Variants in AOPEP observed in about 807,000 individuals in gnomAD.
The protein encoded by AOPEP is aminopeptidase O (putative).
A neutral mutation model predicts 98.1 loss-of-function variants in AOPEP; 77 were observed. That is an observed-to-expected ratio of 0.78 (90% CI 0.65 to 0.95). The LOEUF is 0.95. AOPEP is among the 40% of genes least tolerant of loss of function. The probability of loss-of-function intolerance (pLI) is 0.00; values close to 1 mark genes in which losing one functional copy is unlikely to be tolerated. For missense variants in AOPEP, 1,024 were observed against 1,024.7 expected (o/e 1.00, Z 0.01); for synonymous variants, 346 against 365.3 (o/e 0.95, Z 0.60).
chr9:94,767,948 C>T (rs1367825214), intron 2 of AOPEP, among the ~76,000 whole-genome samples: 1 of 152,116 alleles, frequency 6.6e-6, no homozygotes, highest in African/African-American at 2.4e-5. Context: ...TGAGTCATTG[C>T]TAAACACTTC....
At chr9:94,794,748 T>C (rs563946384) in intron 4 of AOPEP, among the ~76,000 whole-genome samples, 1 of 152,322 alleles carries the variant, frequency 6.6e-6, no homozygotes, top group East Asian at 1.9e-4. Context: ...GTGGGAACTT[T>C]AATTGCATGT....
chr9:95,105,741 G>A, the AOPEP span, among the ~76,000 whole-genome samples: 4 of 152,234 alleles, frequency 2.6e-5, no homozygotes, highest in East Asian at 5.8e-4. Flanking sequence ...CAACATCCTC[G>A]TTTCTGGCTT....
At chr9:94,834,345 G>A (rs540845392) in intron 5 of AOPEP, among the ~76,000 whole-genome samples, 2 of 152,274 alleles carry the variant, frequency 1.3e-5, no homozygotes, top group Admixed American at 6.5e-5. Context: ...CAGCGTGTGG[G>A]CCTTATTTAG....
intron 5 of AOPEP, among the ~76,000 whole-genome samples, chr9:94,912,552 C>T (rs114466813): frequency 9.1e-4 from 138 of 152,296 alleles, no homozygotes; most frequent in African/African-American, 3.1e-3. Flanking sequence ...GGCTACACTA[C>T]GGTGCCATGG....
chr9:95,021,416 C>T (rs1345637571), intron 13 of AOPEP, among the ~76,000 whole-genome samples: 1 of 152,232 alleles, frequency 6.6e-6, no homozygotes, highest in Non-Finnish European at 1.5e-5. Flanking sequence ...GAAAAGGCAC[C>T]TGCCTTTCCC....
chr9:94,935,611 G>A (rs1229754735), intron 7 of AOPEP, among the ~76,000 whole-genome samples: 3 of 152,146 alleles, frequency 2.0e-5, no homozygotes, highest in Admixed American at 2.0e-4. Flanking sequence ...GGTGCTTCCA[G>A]CTCCATGTGT....
chr9:94,936,526 T>G (rs1050796829), intron 7 of AOPEP, among the ~76,000 whole-genome samples: 1 of 152,152 alleles, frequency 6.6e-6, no homozygotes, highest in Non-Finnish European at 1.5e-5. Flanking sequence ...AAACAAACTG[T>G]TTTTCATCTG....
intron 5 of AOPEP, among the ~76,000 whole-genome samples, chr9:94,922,296 G>A (rs2053741688): frequency 6.6e-6 from 1 of 152,150 alleles, no homozygotes; most frequent in Non-Finnish European, 1.5e-5. Context: ...ATCCACTCGT[G>A]GAAGCTTCCT....
chr9:94,982,706 C>T (rs1463135956), intron 11 of AOPEP, among the ~76,000 whole-genome samples: 1 of 151,756 alleles, frequency 6.6e-6, no homozygotes, highest in Non-Finnish European at 1.5e-5. Flanking sequence ...TGCACCGCTT[C>T]CTGATGAATA....
intron 1 of AOPEP, among the ~76,000 whole-genome samples, chr9:94,750,912 TA>T (rs1164957410): frequency 4.6e-5 from 7 of 151,840 alleles, no homozygotes; most frequent in African/African-American, 1.4e-4. Context: ...CACGCCCGGC[TA>T]ATTTTTTGTA....
At chr9:94,939,708 G>A (rs2056777689) in intron 7 of AOPEP, among the ~76,000 whole-genome samples, 2 of 152,198 alleles carry the variant, frequency 1.3e-5, no homozygotes, top group African/African-American at 2.4e-5. Flanking sequence ...TTAAAATAAT[G>A]TATAAAATTA....
At chr9:94,948,329 G>A (rs1293075537) in intron 7 of AOPEP, among the ~76,000 whole-genome samples, 1 of 151,784 alleles carries the variant, frequency 6.6e-6, no homozygotes, top group African/African-American at 2.4e-5. Context: ...TATGCTCACC[G>A]TTGCATGCTC....
chr9:94,742,554 C>T (rs1672915883), intron 1 of AOPEP, among the ~76,000 whole-genome samples: 1 of 152,068 alleles, frequency 6.6e-6, no homozygotes, highest in South Asian at 2.1e-4. Context: ...CCTGCCTCAG[C>T]CTCCCGAGTA....
intron 14 of AOPEP, among the ~76,000 whole-genome samples, chr9:95,074,660 C>A (rs1334387092): frequency 6.6e-6 from 1 of 152,222 alleles, no homozygotes; most frequent in African/African-American, 2.4e-5. Flanking sequence ...AGGGTGCACA[C>A]CTGTGTGTTG....
At chr9:94,858,098 C>A (rs1240048150) in intron 5 of AOPEP, among the ~76,000 whole-genome samples, 87 of 147,974 alleles carry the variant, frequency 5.9e-4, no homozygotes, top group Non-Finnish European at 9.3e-4. Flanking sequence ...AAAAAAAAAA[C>A]AAAAACACAT....
the AOPEP span, chr9:95,107,386 G>A: frequency 1.8e-6 from 2 of 1,116,586 alleles, no homozygotes; most frequent in Non-Finnish European, 1.3e-6. Context: ...TGGCCCCTGA[G>A]AGAGGGAGCT....
At chr9:94,759,057 A>G (rs953958052) in intron 1 of AOPEP, among the ~76,000 whole-genome samples, 11 of 152,212 alleles carry the variant, frequency 7.2e-5, no homozygotes, top group Non-Finnish European at 1.5e-4. Flanking sequence ...ATCTCCGTGA[A>G]CAATCTCAAA....
chr9:94,727,194 C>G (rs1169267151), intron 1 of AOPEP, among the ~76,000 whole-genome samples: 3 of 152,222 alleles, frequency 2.0e-5, no homozygotes, highest in African/African-American at 7.2e-5. Flanking sequence ...CTCTTCTTCC[C>G]CCGGAGGATC....
the AOPEP span, chr9:95,110,968 TA>T: frequency 7.1e-7 from 1 of 1,405,662 alleles, no homozygotes; most frequent in East Asian, 2.6e-5. Flanking sequence ...CTGATTACTT[TA>T]GTAAGAGATG....
Sources: gnomAD v4.1 joint callset for allele counts (sites outside exome capture counted in the v4.1 genomes callset) on GRCh38, gnomAD v4.1.1 for gene constraint, MANE v1.5 for transcripts, NCBI Gene and HGNC (gene_info 2026-07-23, HGNC 2026-07-21) for gene names.